Variants in NFIB observed in about 807,000 individuals in gnomAD.
NFIB encodes nuclear factor I B.
In NFIB, 11 loss-of-function variants were observed where a neutral mutation model predicts 61.5. The observed-to-expected ratio is 0.18, with a 90% CI of 0.11 to 0.30. The LOEUF is 0.30. NFIB is among the 10% of genes least tolerant of loss of function. The pLI, the probability that NFIB is intolerant of heterozygous loss-of-function variation, is 1.00. For synonymous variants in NFIB, 260 were observed against 216.5 expected, an observed-to-expected ratio of 1.20 and a Z score of -1.76; for missense variants, 471 against 608.9, an observed-to-expected ratio of 0.77 and a Z score of 2.38.
intron 2 of NFIB, among the ~76,000 whole-genome samples, chr9:14,241,512 CA>C (rs149167152): frequency 4.0e-5 from 6 of 150,066 alleles, no homozygotes; most frequent in East Asian, 2.0e-4. Flanking sequence ...TTACATAATT[CA>C]AAAAAAAACA....
At chr9:14,276,314 A>G (rs527355411) in intron 2 of NFIB, among the ~76,000 whole-genome samples, 1 of 152,220 alleles carries the variant, frequency 6.6e-6, no homozygotes, top group Non-Finnish European at 1.5e-5. Flanking sequence ...TATCTTATCC[A>G]ATTGAAATAA....
chr9:14,304,246 T>C (rs1308335265), intron 2 of NFIB, among the ~76,000 whole-genome samples: 3 of 152,146 alleles, frequency 2.0e-5, no homozygotes, highest in African/African-American at 7.2e-5. Flanking sequence ...GGAAAAAAAG[T>C]GTGGGTTGAA....
chr9:14,459,812 A>T, the NFIB span, among the ~76,000 whole-genome samples: 2 of 151,490 alleles, frequency 1.3e-5, no homozygotes, highest in East Asian at 2.0e-4. Context: ...TCAAAACCGC[A>T]ATGAGATACC....
At chr9:14,202,636 A>G (rs1230613243) in intron 2 of NFIB, among the ~76,000 whole-genome samples, 1 of 152,238 alleles carries the variant, frequency 6.6e-6, no homozygotes, top group Non-Finnish European at 1.5e-5. Context: ...AAATGGAATG[A>G]CATAAAAATA....
the NFIB span, among the ~76,000 whole-genome samples, chr9:14,414,857 C>T: frequency 1.3e-5 from 2 of 152,140 alleles, no homozygotes; most frequent in African/African-American, 4.8e-5. Flanking sequence ...TCTTTGGAGG[C>T]CTTCTCTCAA....
intron 2 of NFIB, among the ~76,000 whole-genome samples, chr9:14,250,176 G>A (rs1484697474): frequency 6.6e-6 from 1 of 152,158 alleles, no homozygotes; most frequent in African/African-American, 2.4e-5. Context: ...TTGAGTTTAT[G>A]GCCTGTTGAG....
At chr9:14,398,377 G>A (rs968801060) in intron 1 of NFIB, 6 of 573,078 alleles carry the variant, frequency 1.0e-5, no homozygotes, top group Non-Finnish European at 1.5e-5. Context: ...CTCAGTAGTC[G>A]CTCTACATTG....
At chr9:14,468,748 T>C in the NFIB span, among the ~76,000 whole-genome samples, 2,079 of 152,336 alleles carry the variant, frequency 0.014, 24 homozygotes, top group Non-Finnish European at 0.023. Context: ...GAATGCTAGG[T>C]GTTCTACATA....
intron 2 of NFIB, among the ~76,000 whole-genome samples, chr9:14,274,117 C>A (rs550161396): frequency 1.3e-4 from 20 of 152,110 alleles, no homozygotes; most frequent in Non-Finnish European, 2.9e-5. Context: ...CACTACTTTA[C>A]TGAAGAGTGA....
intron 1 of NFIB, among the ~76,000 whole-genome samples, chr9:14,369,284 G>A (rs1378040889): frequency 6.6e-6 from 1 of 152,144 alleles, no homozygotes; most frequent in African/African-American, 2.4e-5. Context: ...AAGATGATGT[G>A]GAAGCTGGTC....
intron 2 of NFIB, among the ~76,000 whole-genome samples, chr9:14,256,161 C>T (rs1466953301): frequency 6.6e-6 from 1 of 152,176 alleles, no homozygotes; most frequent in Non-Finnish European, 1.5e-5. Context: ...GCCTCTCCCT[C>T]TAACAATATT....
At chr9:14,208,074 C>T (rs2049930439) in intron 2 of NFIB, among the ~76,000 whole-genome samples, 1 of 152,224 alleles carries the variant, frequency 6.6e-6, no homozygotes, top group Admixed American at 6.5e-5. Flanking sequence ...TCAAAGGTCA[C>T]TTCCCACTCC....
Position 14,083,365 on chromosome 9 carries a change from C to A in NFIB, c.*4944G>T, listed in dbSNP as rs1461622140. On this transcript the variant is annotated 3_prime_UTR_variant, in exon 11 of 11. Coordinates refer to ENST00000380953, the MANE Select transcript of NFIB (RefSeq NM_001190737.2). The stretch of plus-strand genomic sequence containing the variant: ...CACAATTTTAGGGAATTAGAAAAAA[C>A]AGGGGAACTACCAGAAAGTGCAAAA... The A allele has an allele frequency of 4.5e-6, 1 of 220,908 alleles. No individual in the cohort carries two copies. The highest frequency in any genetic ancestry group is 2.3e-5 in the African/African-American group (1 of 44,172). 13.7% of individuals were successfully genotyped at this position (220,908 alleles called of 1,614,324 possible).
chr9:14,324,183 G>A (rs953473326), intron 1 of NFIB, among the ~76,000 whole-genome samples: 5 of 152,126 alleles, frequency 3.3e-5, no homozygotes, highest in African/African-American at 1.2e-4. Flanking sequence ...CTATAACTCA[G>A]TCTCCCCACT....
the NFIB span, among the ~76,000 whole-genome samples, chr9:14,462,457 T>C: frequency 6.6e-6 from 1 of 152,044 alleles, no homozygotes; most frequent in Non-Finnish European, 1.5e-5. Flanking sequence ...TAATTTTTTG[T>C]ATTTTTAGTG....
intron 2 of NFIB, among the ~76,000 whole-genome samples, chr9:14,219,380 G>GAAAAAAA (rs1563914477): frequency 1.0e-4 from 1 of 9,748 alleles, no homozygotes; most frequent in South Asian, 4.0e-3. Context: ...TAGCACTAGG[G>GAAAAAAA]TAAAAAAAAA....
At chr9:14,189,912 GATT>G (rs1230723656) in intron 2 of NFIB, among the ~76,000 whole-genome samples, 4 of 151,666 alleles carry the variant, frequency 2.6e-5, no homozygotes, top group African/African-American at 4.9e-5. Flanking sequence ...TTCAGTTTTT[GATT>G]ATTATCTACA....
At chr9:14,424,515 G>C in the NFIB span, among the ~76,000 whole-genome samples, 1 of 152,078 alleles carries the variant, frequency 6.6e-6, no homozygotes, top group Non-Finnish European at 1.5e-5. Flanking sequence ...CCCAGTTTAC[G>C]CGGGGCGACC....
Position 14,287,821 on chromosome 9 carries a change from T to C in NFIB, c.562+19168A>G, listed in dbSNP as rs188922475. On this transcript the variant is annotated intron_variant, in intron 2 of 10. Transcript: ENST00000380953. ...AGAGAACAAAATATTTAAAGCTGGG[T>C]GTTATTTTATTGTTGGGTGTGTCAC... Among the ~76,000 whole-genome samples, 641 of 152,194 alleles carry C rather than the reference T, an allele frequency of 4.2e-3. 6 individuals carry two copies. The highest frequency in any genetic ancestry group is 0.015 in the African/African-American group (625 of 41,568).
Sources: gnomAD v4.1 joint callset for allele counts (sites outside exome capture counted in the v4.1 genomes callset) on GRCh38, gnomAD v4.1.1 for gene constraint, MANE v1.5 for transcripts, NCBI Gene and HGNC (gene_info 2026-07-23, HGNC 2026-07-21) for gene names.